SH3D19: variants seen among roughly 807,000 people sequenced by gnomAD.
SH3D19 encodes SH3 domain-containing protein 19.
In SH3D19, 58 loss-of-function variants were observed where a neutral mutation model predicts 112.1. That is an observed-to-expected ratio of 0.52 (90% CI 0.42 to 0.64). SH3D19 has a LOEUF of 0.64. SH3D19 is among the 30% of genes least tolerant of loss of function. SH3D19 has a pLI of 0.00. For missense variants in SH3D19, 1,090 were observed against 1,263.4 expected, an observed-to-expected ratio of 0.86 and a Z score of 2.08; for synonymous variants, 391 against 448.5, an observed-to-expected ratio of 0.87 and a Z score of 1.62.
rs181157966 is a variant in SH3D19 at position 151,179,762 on chromosome 4, C to T, written c.194-365G>A. Reference sequence around the variant, plus strand: ...AATGGGCAGAAAAAATTTTAAATATCGATTCCAATCTATATGACTATGCTT... The same window carrying T: ...AATGGGCAGAAAAAATTTTAAATATTGATTCCAATCTATATGACTATGCTT... On this transcript the variant is annotated intron_variant, in intron 3 of 19. Transcript: ENST00000604030. Among the ~76,000 whole-genome samples, 377 of 152,264 alleles carry T rather than the reference C, an allele frequency of 2.5e-3. 1 individual carries two copies. Among genetic ancestry groups the T allele is most frequent in the African/African-American group, 8.7e-3 (360 of 41,550 alleles).
chr4:151,167,320 CTTTT>C lies in SH3D19; in HGVS notation c.1535-1628_1535-1625del, dbSNP rs138468708. Reference sequence around the variant, plus strand: ...CAAATATATAACAAGTATAATAGTACTTTTTTTACTTCACAGAAATATTTGTTGT... The same window carrying C: ...CAAATATATAACAAGTATAATAGTACTTTACTTCACAGAAATATTTGTTGT... On this transcript the variant is annotated intron_variant, in intron 7 of 19. Transcript: ENST00000604030. Among the ~76,000 whole-genome samples the C allele has an allele frequency of 9.5e-3, 1,441 of 151,808 alleles. 16 individuals carry two copies. Among genetic ancestry groups the C allele is most frequent in the African/African-American group, 0.033 (1,380 of 41,474 alleles).
At chr4:151,214,177 G>A (rs988797150) in intron 2 of SH3D19, among the ~76,000 whole-genome samples, 1 of 151,944 alleles carries the variant, frequency 6.6e-6, no homozygotes, top group Non-Finnish European at 1.5e-5. Context: ...AGAGCACAGG[G>A]CTGGGGGGTA....
At chr4:151,246,723 G>T (rs534551687) in intron 1 of SH3D19, among the ~76,000 whole-genome samples, 25 of 152,274 alleles carry the variant, frequency 1.6e-4, no homozygotes, top group Admixed American at 1.6e-3. Context: ...AGAGCCCTAT[G>T]AAGTATGTTC....
rs150224465 is a variant in SH3D19 at position 151,189,334 on chromosome 4, C to T, written c.153-1871G>A. ...TTCACTGTGCTAGCCAGGATGGTCTCGATCTCCTGACCTTGTGATCTGCCC... is the reference window on the plus strand; with the variant it reads ...TTCACTGTGCTAGCCAGGATGGTCTTGATCTCCTGACCTTGTGATCTGCCC... On this transcript the variant is annotated intron_variant, in intron 2 of 19. Coordinates refer to ENST00000604030, the MANE Select transcript of SH3D19 (RefSeq NM_001378122.1). Among the ~76,000 whole-genome samples the T allele has an allele frequency of 2.8e-3, 430 of 152,066 alleles. 1 individual carries two copies. The highest frequency in any genetic ancestry group is 0.01 in the African/African-American group (418 of 41,452).
At chr4:151,249,221 T>C (rs924867176) in intron 1 of SH3D19, among the ~76,000 whole-genome samples, 2 of 152,196 alleles carry the variant, frequency 1.3e-5, no homozygotes, top group Non-Finnish European at 2.9e-5. Flanking sequence ...ATATATTGAT[T>C]GTATCTGTAA....
chr4:151,149,451 G>A (rs368782148), intron 10 of SH3D19, 49 bp downstream of exon 10: 140 of 1,426,582 alleles, frequency 9.8e-5, no homozygotes, highest in Non-Finnish European at 1.3e-4. Context: ...AAAAAGAGTT[G>A]GGTCTCTGAG....
intron 1 of SH3D19, among the ~76,000 whole-genome samples, chr4:151,281,634 T>C (rs1413306773): frequency 2.0e-5 from 3 of 152,100 alleles, no homozygotes; most frequent in African/African-American, 7.2e-5. Context: ...TGCCTCTAAA[T>C]AGTTTGAACT....
chr4:151,187,535 C>A, intron 2 of SH3D19, 72 bp from the exon 3 acceptor site: 1 of 883,006 alleles, frequency 1.1e-6, no homozygotes, highest in South Asian at 5.8e-5. Context: ...AAGGCCAAGT[C>A]ATTTCTGGGA....
chr4:151,163,977 A>AT, intron 8 of SH3D19, among the ~76,000 whole-genome samples: 1 of 152,258 alleles, frequency 6.6e-6, no homozygotes, highest in East Asian at 1.9e-4. Flanking sequence ...GATACCTTAG[A>AT]TTTTTTTCTC....
At chr4:151,191,400 G>C (rs1234154763) in intron 2 of SH3D19, among the ~76,000 whole-genome samples, 1 of 152,074 alleles carries the variant, frequency 6.6e-6, no homozygotes, top group East Asian at 1.9e-4. Context: ...ACATGGTTTG[G>C]CTGTGTCCCC....
At chr4:151,126,878 A>C (rs929225389) in intron 19 of SH3D19, among the ~76,000 whole-genome samples, 1 of 151,620 alleles carries the variant, frequency 6.6e-6, no homozygotes, top group Non-Finnish European at 1.5e-5. Flanking sequence ...GGTGAAAAAA[A>C]AAAAAAAAAA....
chr4:151,141,907 C>T (rs1044684552), intron 12 of SH3D19, among the ~76,000 whole-genome samples: 3 of 152,172 alleles, frequency 2.0e-5, no homozygotes, highest in Admixed American at 6.5e-5. Context: ...CTCCCAGTCA[C>T]ACATTTTCCC....
At chr4:151,123,408 G>A (rs1748467337) in intron 19 of SH3D19, among the ~76,000 whole-genome samples, 1 of 152,112 alleles carries the variant, frequency 6.6e-6, no homozygotes. Flanking sequence ...ATTTATTCTT[G>A]CACATAATGG....
chr4:151,307,617 G>C (rs1223125320), intron 1 of SH3D19, among the ~76,000 whole-genome samples: 3 of 152,232 alleles, frequency 2.0e-5, no homozygotes, highest in Non-Finnish European at 2.9e-5. Context: ...TGCTGTCTCT[G>C]AGGATAGTTG....
chr4:151,136,625 T>C (rs898561443), intron 14 of SH3D19, among the ~76,000 whole-genome samples: 1 of 152,254 alleles, frequency 6.6e-6, no homozygotes, highest in Admixed American at 6.5e-5. Context: ...TTTTTAAACT[T>C]GTGGGCTTAG....
chr4:151,248,123 T>TG (rs1554061815), intron 1 of SH3D19, among the ~76,000 whole-genome samples: 1 of 133,978 alleles, frequency 7.5e-6, no homozygotes, highest in African/African-American at 2.6e-5. Context: ...ACTTTTTTTT[T>TG]TTTGTTTGTT....
Position 151,226,049 on chromosome 4 carries a change from T to C in SH3D19, c.150A>G (p.Ser50=). ...TATTAGATACTGTAAATTCATACCT[T>C]GAAGAACGATGTTCTGGTTTATTTC... The part of the protein sequence containing the change: ...NERNKPEHRS[S]SQGPLSSIRA... The change falls in exon 2 of 20, where the codon TCA becomes TCG. Residue 50 remains serine (S), a splice_region_variant and synonymous_variant. Coordinates refer to ENST00000604030, the MANE Select transcript of SH3D19 (RefSeq NM_001378122.1). 8.1e-7 allele frequency: 1 copy of C among 1,231,262 alleles called. No individual in the cohort carries two copies. The highest frequency in any genetic ancestry group is 1.0e-6 in the Non-Finnish European group (1 of 987,216). 76.3% of individuals were successfully genotyped at this position (1,231,262 alleles called of 1,614,324 possible). A position where few individuals can be genotyped will look rare whatever the true frequency, so the allele number is the denominator to read the frequency against.
intron 7 of SH3D19, chr4:151,165,915 A>T: frequency 2.1e-6 from 1 of 470,290 alleles, no homozygotes; most frequent in Non-Finnish European, 3.8e-6. Flanking sequence ...TTCCTCTCTG[A>T]TGAGAGAGAT....
chr4:151,199,681 G>A (rs1580120004), intron 2 of SH3D19, among the ~76,000 whole-genome samples: 1 of 152,230 alleles, frequency 6.6e-6, no homozygotes, highest in Non-Finnish European at 1.5e-5. Context: ...CTTGTGACCA[G>A]CTGCACGCAC....
Sources: gnomAD v4.1 joint callset for allele counts (sites outside exome capture counted in the v4.1 genomes callset) on GRCh38, gnomAD v4.1.1 for gene constraint, MANE v1.5 for transcripts, NCBI Gene and HGNC (gene_info 2026-07-23, HGNC 2026-07-21) for gene names.